ATXN7L1: variants seen among roughly 807,000 people sequenced by gnomAD.
ATXN7L1 encodes ataxin 7 like 1, also known as ataxin-7-like protein 1.
Under a neutral mutation model 70.8 loss-of-function variants are expected in ATXN7L1, and 15 were observed. That is an observed-to-expected ratio of 0.21 (90% CI 0.14 to 0.33). The LOEUF (loss-of-function observed/expected upper bound fraction) is 0.33. Ranked by LOEUF, ATXN7L1 falls within the 10% of genes least tolerant of loss-of-function variation. The pLI is 1.00. For missense variants in ATXN7L1, 975 were observed against 1,097.1 expected (o/e 0.89, Z 1.57); for synonymous variants, 440 against 445.1 (o/e 0.99, Z 0.14).
At chr7:105,659,601 T>C (rs1801258198) in intron 4 of ATXN7L1, among the ~76,000 whole-genome samples, 1 of 152,170 alleles carries the variant, frequency 6.6e-6, no homozygotes, top group South Asian at 2.1e-4. Context: ...ATAAGAATGG[T>C]AAGGATTATG....
At chr7:105,665,739 G>A (rs1802508760) in intron 3 of ATXN7L1, among the ~76,000 whole-genome samples, 1 of 152,192 alleles carries the variant, frequency 6.6e-6, no homozygotes, top group South Asian at 2.1e-4. Context: ...CAATCTGCAG[G>A]AGCACTAAAG....
rs182949656 is a variant in ATXN7L1 at position 105,727,505 on chromosome 7, C to T, written c.355+61099G>A. On this transcript the variant is annotated intron_variant, in intron 3 of 11. Coordinates refer to ENST00000419735, the MANE Select transcript of ATXN7L1 (RefSeq NM_020725.2). The stretch of plus-strand genomic sequence containing the variant: ...CCAACATGGTGAAACCCCACGTCTA[C>T]TAACAATACAAAATTTAGCCAGGCA... Among the ~76,000 whole-genome samples the T allele has an allele frequency of 3.3e-5, 5 of 151,344 alleles. No individual in the cohort carries two copies. The East Asian group carries it at 9.8e-4, about 30-fold the overall frequency.
At chr7:105,677,811 A>G (rs1804928258) in intron 3 of ATXN7L1, 1 of 463,318 alleles carries the variant, frequency 2.2e-6, no homozygotes, top group South Asian at 9.1e-5. Flanking sequence ...CAGGCTGATA[A>G]GAGAGGCCAC....
intron 3 of ATXN7L1, among the ~76,000 whole-genome samples, chr7:105,722,695 A>T (rs1795338949): frequency 6.6e-6 from 1 of 150,722 alleles, no homozygotes; most frequent in Non-Finnish European, 1.5e-5. Flanking sequence ...TCTGGCCAAC[A>T]TGGTGAAACC....
In ATXN7L1 at chr7:105,695,985, CA is replaced by C. The variant is rs1032839166; in HGVS notation, c.356-30698del. ...AAGTGAAGGCTTGGGGGGCCAAGATCAAAGATATTGAATGTAGAATGCAGAG... is the reference window on the plus strand; with the variant it reads ...AAGTGAAGGCTTGGGGGGCCAAGATCAAGATATTGAATGTAGAATGCAGAG... On this transcript the variant is annotated intron_variant, in intron 3 of 11. Coordinates refer to ENST00000419735, the MANE Select transcript of ATXN7L1 (RefSeq NM_020725.2). 2.2e-4 allele frequency among the ~76,000 whole-genome samples: 33 copies of C among 152,180 alleles called. 1 individual carries two copies. Among genetic ancestry groups the C allele is most frequent in the African/African-American group, 7.5e-4 (31 of 41,516 alleles).
chr7:105,628,997 C>T lies in ATXN7L1; in HGVS notation c.1203-4730G>A, dbSNP rs6966597. 9.3e-3 allele frequency among the ~76,000 whole-genome samples: 1,403 copies of T among 151,476 alleles called. 23 individuals are homozygous for T. Among genetic ancestry groups the T allele is most frequent in the African/African-American group, 0.032 (1,331 of 41,258 alleles). ...TATTTTTATTTTTTAGAGACACGGT[C>T]TCTCTCTGCCTCCCAAGCTGGAGTG... On this transcript the variant is annotated intron_variant, in intron 7 of 11. Coordinates refer to ENST00000419735, the MANE Select transcript of ATXN7L1 (RefSeq NM_020725.2).
At chr7:105,710,632 C>T (rs548604657) in intron 3 of ATXN7L1, among the ~76,000 whole-genome samples, 50 of 151,686 alleles carry the variant, frequency 3.3e-4, no homozygotes, top group African/African-American at 1.1e-3. Flanking sequence ...AGGATGGTCT[C>T]GATCTCCTGA....
At chr7:105,613,494 T>C (rs1793365953) in intron 10 of ATXN7L1, 3 of 1,136,150 alleles carry the variant, frequency 2.6e-6, no homozygotes, top group Non-Finnish European at 3.3e-6. Context: ...AACTCTTTAA[T>C]GACAATGTTC....
intron 3 of ATXN7L1, among the ~76,000 whole-genome samples, chr7:105,781,034 G>A (rs992561621): frequency 3.9e-5 from 6 of 152,158 alleles, no homozygotes; most frequent in African/African-American, 1.2e-4. Flanking sequence ...GCAATGTCCC[G>A]AGATGGTTTT....
At chr7:105,663,491 G>A (rs1802033225) in intron 4 of ATXN7L1, among the ~76,000 whole-genome samples, 1 of 152,176 alleles carries the variant, frequency 6.6e-6, no homozygotes, top group African/African-American at 2.4e-5. Context: ...GCAATTAACT[G>A]TCATCAATTA....
At chr7:105,713,057 G>A (rs768157622) in intron 3 of ATXN7L1, among the ~76,000 whole-genome samples, 53 of 152,206 alleles carry the variant, frequency 3.5e-4, no homozygotes, top group Non-Finnish European at 6.9e-4. Flanking sequence ...ATGGCAGAAG[G>A]CAAAGGGGAA....
chr7:105,617,960 T>C (rs1490897877), intron 9 of ATXN7L1: 2 of 456,596 alleles, frequency 4.4e-6, no homozygotes, highest in African/African-American at 2.0e-5. Context: ...GGCAGCGAGG[T>C]TGAGAGGGTA....
chr7:105,617,801 A>G (rs1794131654), intron 9 of ATXN7L1: 1 of 377,052 alleles, frequency 2.7e-6, no homozygotes, highest in African/African-American at 2.1e-5. Context: ...CCTGGCTGAA[A>G]GAGAATACTG....
intron 7 of ATXN7L1, among the ~76,000 whole-genome samples, chr7:105,626,906 G>A (rs373164707): frequency 5.3e-5 from 8 of 152,274 alleles, no homozygotes; most frequent in East Asian, 3.9e-4. Context: ...ACGATCACCC[G>A]GAACATGAAA....
At chr7:105,693,929 C>G (rs1168154916) in intron 3 of ATXN7L1, among the ~76,000 whole-genome samples, 1 of 152,082 alleles carries the variant, frequency 6.6e-6, no homozygotes, top group African/African-American at 2.4e-5. Context: ...TTAGCACATC[C>G]AAGACCAAGG....
intron 3 of ATXN7L1, among the ~76,000 whole-genome samples, chr7:105,673,579 T>C (rs1012963075): frequency 6.6e-6 from 1 of 152,236 alleles, no homozygotes; most frequent in Non-Finnish European, 1.5e-5. Flanking sequence ...CAATCTGCTT[T>C]TGTAGCTGCA....
intron 10 of ATXN7L1, among the ~76,000 whole-genome samples, chr7:105,611,591 C>T (rs943096357): frequency 1.3e-5 from 2 of 152,208 alleles, no homozygotes; most frequent in African/African-American, 4.8e-5. Context: ...AGGCTGGTCT[C>T]CAACTCCTGA....
intron 3 of ATXN7L1, among the ~76,000 whole-genome samples, chr7:105,670,873 G>A (rs1239205279): frequency 4.4e-4 from 67 of 152,078 alleles, no homozygotes; most frequent in African/African-American, 1.6e-3. Context: ...TTGGGAGGCC[G>A]AGGCGGATGG....
At chr7:105,612,108 C>A (rs1793209404) in intron 10 of ATXN7L1, among the ~76,000 whole-genome samples, 1 of 152,198 alleles carries the variant, frequency 6.6e-6, no homozygotes. Flanking sequence ...ATCAACAGAG[C>A]CACATCTACT....
Sources: gnomAD v4.1 joint callset for allele counts (sites outside exome capture counted in the v4.1 genomes callset) on GRCh38, gnomAD v4.1.1 for gene constraint, MANE v1.5 for transcripts, NCBI Gene and HGNC (gene_info 2026-07-23, HGNC 2026-07-21) for gene names.